The following ATF6 variants were observed in gnomAD, a reference collection of about 807,000 sequenced individuals.
The protein encoded by ATF6 is cyclic AMP-dependent transcription factor ATF-6 alpha.
Under a neutral mutation model 83.6 loss-of-function variants are expected in ATF6, and 53 were observed. The observed-to-expected ratio is 0.63, with a 90% CI of 0.51 to 0.80. The LOEUF is 0.80. Ranked by LOEUF, ATF6 falls within the 30% of genes least tolerant of loss-of-function variation. ATF6 has a pLI of 0.00. For synonymous variants in ATF6, 288 were observed against 285.8 expected (o/e 1.01, Z -0.08); for missense variants, 744 against 797.9 (o/e 0.93, Z 0.81).
At chr1:161,804,548 A>G (rs1028388664) in intron 7 of ATF6, among the ~76,000 whole-genome samples, 10 of 152,156 alleles carry the variant, frequency 6.6e-5, no homozygotes, top group Admixed American at 1.3e-4. Flanking sequence ...TGTGGAAAAT[A>G]GAATTGTTCT....
chr1:161,947,718 G>A (rs1236663381), intron 15 of ATF6, among the ~76,000 whole-genome samples: 1 of 146,974 alleles, frequency 6.8e-6, no homozygotes, highest in Non-Finnish European at 1.5e-5. Flanking sequence ...AGAATTCACA[G>A]AAAGGAACAA....
At chr1:161,790,607 T>C (rs73019322) in intron 4 of ATF6, among the ~76,000 whole-genome samples, 2,443 of 152,142 alleles carry the variant, frequency 0.016, 69 homozygotes, top group African/African-American at 0.056. Flanking sequence ...GTCAGGAGTT[T>C]TAGAGCAGCC....
At chr1:161,820,857 C>T (rs1334818584) in intron 8 of ATF6, among the ~76,000 whole-genome samples, 1 of 151,810 alleles carries the variant, frequency 6.6e-6, no homozygotes, top group East Asian at 1.9e-4. Context: ...CCTTTTCTCT[C>T]CCTGCTGGAA....
At chr1:161,784,214 T>A (rs1503807) in intron 4 of ATF6, 118 bp downstream of exon 4, 82,185 of 708,202 alleles carry the variant, frequency 0.12, 7,292 homozygotes, top group East Asian at 0.33. Flanking sequence ...GTCTCATTTA[T>A]TGAGGGAACT....
At chr1:161,883,891 T>G (rs1237026407) in intron 14 of ATF6, among the ~76,000 whole-genome samples, 2 of 152,070 alleles carry the variant, frequency 1.3e-5, no homozygotes, top group Non-Finnish European at 2.9e-5. Flanking sequence ...GAATTCAGAT[T>G]ATAAAATAGT....
At chr1:161,889,382 G>A (rs187371361) in intron 14 of ATF6, among the ~76,000 whole-genome samples, 87 of 152,278 alleles carry the variant, frequency 5.7e-4, no homozygotes, top group African/African-American at 1.2e-4. Context: ...CTCTGCTGTC[G>A]CTTCCCTTCC....
chr1:161,885,102 C>T (rs1687393946), intron 14 of ATF6, among the ~76,000 whole-genome samples: 1 of 152,094 alleles, frequency 6.6e-6, no homozygotes, highest in African/African-American at 2.4e-5. Context: ...TTGCACCATC[C>T]CCTGGGGAGC....
chr1:161,859,435 A>G (rs889543294), intron 12 of ATF6, among the ~76,000 whole-genome samples: 1 of 152,220 alleles, frequency 6.6e-6, no homozygotes, highest in Non-Finnish European at 1.5e-5. Flanking sequence ...GCTTGGGCAC[A>G]TGTAGGTGCT....
At chr1:161,880,408 C>T (rs1319510423) in intron 14 of ATF6, among the ~76,000 whole-genome samples, 2 of 151,904 alleles carry the variant, frequency 1.3e-5, no homozygotes, top group African/African-American at 4.8e-5. Flanking sequence ...TAATCAGCAT[C>T]CCCATCAGTC....
At chr1:161,894,060 G>A (rs1017861174) in intron 14 of ATF6, among the ~76,000 whole-genome samples, 1 of 151,920 alleles carries the variant, frequency 6.6e-6, no homozygotes, top group African/African-American at 2.4e-5. Context: ...TAATCTCTTT[G>A]TGATTTTCCC....
rs754054836 is a variant in ATF6, at chr1:161,812,796, G to GTGTA, written c.910-6834_910-6833insATGT. Among the ~76,000 whole-genome samples the GTGTA allele has an allele frequency of 9.9e-3, 1,494 of 151,648 alleles. 8 individuals carry two copies. Among genetic ancestry groups the GTGTA allele is most frequent in the South Asian group, 0.017 (84 of 4,806 alleles). On this transcript the variant is annotated intron_variant, in intron 7 of 15. Coordinates refer to ENST00000367942, the MANE Select transcript of ATF6 (RefSeq NM_007348.4). The stretch of plus-strand genomic sequence containing the variant: ...AATTTTGCCTCCTCTGTGTGTGTGT[G>GTGTA]TGTGTGTGTGTGTGTGTGTGTCACA...
intron 9 of ATF6, among the ~76,000 whole-genome samples, chr1:161,829,636 A>G (rs1468357083): frequency 6.6e-6 from 1 of 152,140 alleles, no homozygotes; most frequent in Non-Finnish European, 1.5e-5. Flanking sequence ...CCTGGGATGC[A>G]AGGCTGGTTC....
At chr1:161,954,964 A>G (rs924570009) in intron 15 of ATF6, among the ~76,000 whole-genome samples, 6 of 152,112 alleles carry the variant, frequency 3.9e-5, no homozygotes, top group African/African-American at 1.4e-4. Context: ...CTCCCGTACT[A>G]TTTGGTTCTA....
chr1:161,931,983 C>T (rs1688443414), intron 15 of ATF6, among the ~76,000 whole-genome samples: 1 of 152,140 alleles, frequency 6.6e-6, no homozygotes, highest in Non-Finnish European at 1.5e-5. Flanking sequence ...GAACTAAACT[C>T]TAATTTAAGT....
At chr1:161,888,670 A>G (rs1055505290) in intron 14 of ATF6, among the ~76,000 whole-genome samples, 1 of 152,160 alleles carries the variant, frequency 6.6e-6, no homozygotes. Context: ...CTTCAACCTC[A>G]TCACCACTGC....
intron 15 of ATF6, among the ~76,000 whole-genome samples, chr1:161,950,950 A>C (rs1688851599): frequency 6.6e-6 from 1 of 152,196 alleles, no homozygotes; most frequent in Non-Finnish European, 1.5e-5. Flanking sequence ...AACCTCCCAC[A>C]GTTGTGGGCA....
Position 161,958,809 on chromosome 1 carries a change from T to C in ATF6, c.*155T>C, listed in dbSNP as rs1327818450. Reference sequence around the variant, plus strand: ...AGAAGAAATAAAAGAAGCTGCTCCATTTTTCATCATCTACCCATCTATTTG... The same window carrying C: ...AGAAGAAATAAAAGAAGCTGCTCCACTTTTCATCATCTACCCATCTATTTG... On this transcript the variant is annotated 3_prime_UTR_variant, in exon 16 of 16. Transcript: ENST00000367942. 10 of 606,710 alleles carry C rather than the reference T, an allele frequency of 1.6e-5. No homozygotes were observed. In the South Asian group the frequency reaches 2.6e-4, roughly 16 times the overall value. 37.6% of individuals were successfully genotyped at this position (606,710 alleles called of 1,614,324 possible).
chr1:161,815,075 G>A (rs897808398), intron 7 of ATF6, among the ~76,000 whole-genome samples: 2 of 151,650 alleles, frequency 1.3e-5, no homozygotes, highest in African/African-American at 4.8e-5. Flanking sequence ...AAGATGTGCA[G>A]CAAGTCAATG....
chr1:161,848,034 A>T (rs568912498), intron 10 of ATF6, among the ~76,000 whole-genome samples: 1 of 151,996 alleles, frequency 6.6e-6, no homozygotes, highest in Non-Finnish European at 1.5e-5. Context: ...AGAGTAGTAC[A>T]TGGGATGCAA....
Sources: gnomAD v4.1 joint callset for allele counts (sites outside exome capture counted in the v4.1 genomes callset) on GRCh38, gnomAD v4.1.1 for gene constraint, MANE v1.5 for transcripts, NCBI Gene and HGNC (gene_info 2026-07-23, HGNC 2026-07-21) for gene names.